MMP16: variants seen among roughly 807,000 people sequenced by gnomAD.
The protein encoded by MMP16 is matrix metalloproteinase-16.
In MMP16, 12 loss-of-function variants were observed where a neutral mutation model predicts 67.8. The ratio of observed to expected loss-of-function variants is 0.18; its 90% confidence interval spans 0.11 to 0.29. MMP16 has a LOEUF of 0.29. Among genes scored for constraint, MMP16 ranks in the 10% least tolerant of loss-of-function variants. MMP16 has a pLI of 1.00. For synonymous variants in MMP16, 249 were observed against 255.9 expected (o/e 0.97, Z 0.26); for missense variants, 475 against 765.7 (o/e 0.62, Z 4.48).
At chr8:88,252,333 T>C (rs1342705154) in intron 1 of MMP16, among the ~76,000 whole-genome samples, 2 of 152,136 alleles carry the variant, frequency 1.3e-5, no homozygotes, top group East Asian at 3.9e-4. Context: ...ATGCTGGTTC[T>C]AGCTCATCAT....
At chr8:88,146,221 A>G (rs140468264) in intron 4 of MMP16, among the ~76,000 whole-genome samples, 1 of 152,100 alleles carries the variant, frequency 6.6e-6, no homozygotes, top group Non-Finnish European at 1.5e-5. Flanking sequence ...GCTCAGCAAG[A>G]CTCTATGATA....
intron 7 of MMP16, among the ~76,000 whole-genome samples, chr8:88,073,534 A>C (rs1808596830): frequency 6.6e-6 from 1 of 152,160 alleles, no homozygotes; most frequent in Non-Finnish European, 1.5e-5. Flanking sequence ...ATGGCCATAA[A>C]ATTATCATGT....
At chr8:88,049,308 TTTTAAA>T (rs1228513480) in intron 8 of MMP16, among the ~76,000 whole-genome samples, 5 of 152,232 alleles carry the variant, frequency 3.3e-5, no homozygotes, top group Admixed American at 3.3e-4. Context: ...AAACATTTAC[TTTTAAA>T]TTTAAATATT....
intron 2 of MMP16, among the ~76,000 whole-genome samples, chr8:88,196,829 T>C (rs1166868368): frequency 1.3e-5 from 2 of 152,116 alleles, no homozygotes; most frequent in East Asian, 3.9e-4. Flanking sequence ...GTGTACAATA[T>C]ATTCTCATCA....
At chr8:88,070,690 T>C (rs905700848) in intron 7 of MMP16, among the ~76,000 whole-genome samples, 1 of 152,110 alleles carries the variant, frequency 6.6e-6, no homozygotes, top group African/African-American at 2.4e-5. Context: ...TCTGCCTTGG[T>C]TCCCCTACGT....
At chr8:88,047,838 A>C (rs2118203092) in intron 8 of MMP16, among the ~76,000 whole-genome samples, 1 of 152,312 alleles carries the variant, frequency 6.6e-6, no homozygotes, top group South Asian at 2.1e-4. Context: ...TATGAGTAAA[A>C]GAGTTTGAAG....
At position 88,040,968 on chromosome 8, in the gene MMP16, T is replaced by C. The variant is rs1264403441; in HGVS notation, c.*493A>G. 6.5e-6 allele frequency: 1 copy of C among 152,874 alleles called. No homozygotes were observed. Among genetic ancestry groups the C allele is most frequent in the Non-Finnish European group, 1.5e-5 (1 of 68,376 alleles). The allele number at this position is 152,874 out of a possible 1,614,324, so 9.5% of individuals were successfully genotyped here. A position where few individuals can be genotyped will look rare whatever the true frequency, so the allele number is the denominator to read the frequency against. ...TCTTCACACTTTCCTGGAAGTTCAA[T>C]TGTGGGTTTTTTGTTTAAACTCTTT... On this transcript the variant is annotated 3_prime_UTR_variant, in exon 10 of 10. Coordinates refer to ENST00000286614, the MANE Select transcript of MMP16 (RefSeq NM_005941.5).
chr8:88,188,901 T>G (rs1403586168), intron 2 of MMP16, among the ~76,000 whole-genome samples: 3 of 152,128 alleles, frequency 2.0e-5, no homozygotes, highest in Non-Finnish European at 4.4e-5. Context: ...GTGATCTGCT[T>G]GCCTCGGCCT....
intron 7 of MMP16, among the ~76,000 whole-genome samples, chr8:88,063,715 C>T (rs979891908): frequency 2.0e-5 from 3 of 151,958 alleles, no homozygotes; most frequent in African/African-American, 7.2e-5. Flanking sequence ...GTTTTTACTG[C>T]GGTCCAGGCC....
chr8:88,200,458 A>C (rs551672484), intron 1 of MMP16, among the ~76,000 whole-genome samples: 40 of 152,130 alleles, frequency 2.6e-4, no homozygotes, highest in African/African-American at 9.6e-4. Context: ...CTTGAATTAC[A>C]TTCCTGTTTT....
intron 6 of MMP16, among the ~76,000 whole-genome samples, chr8:88,087,961 A>G (rs1808863863): frequency 7.0e-6 from 1 of 142,918 alleles, no homozygotes; most frequent in Non-Finnish European, 1.5e-5. Context: ...AACCAAACAA[A>G]CAAAAAAATG....
chr8:88,076,366 T>C (rs1808651913), intron 6 of MMP16, among the ~76,000 whole-genome samples: 1 of 152,110 alleles, frequency 6.6e-6, no homozygotes. Context: ...TTGAAACGAG[T>C]TATCTACTTT....
chr8:88,198,446 A>T (rs1019703541), intron 1 of MMP16, among the ~76,000 whole-genome samples: 30 of 152,264 alleles, frequency 2.0e-4, no homozygotes, highest in Middle Eastern at 3.4e-3. Context: ...CAGTCTATTT[A>T]TCACATAAAT....
At position 88,271,641 on chromosome 8, in the gene MMP16, G is replaced by A. The variant is rs117707537; in HGVS notation, c.132+55434C>T. ...CCTGAGTAGCTGGAATTACATGTAT[G>A]TGCCAACACGTTCAGCTGCAGATTT... On this transcript the variant is annotated intron_variant, in intron 1 of 9. Coordinates refer to ENST00000286614, the MANE Select transcript of MMP16 (RefSeq NM_005941.5). 2.5e-4 allele frequency among the ~76,000 whole-genome samples: 38 copies of A among 152,240 alleles called. 1 individual carries two copies. The East Asian group carries it at 7.2e-3, about 29-fold the overall frequency.
chr8:88,123,573 T>C (rs993109994), intron 4 of MMP16, among the ~76,000 whole-genome samples: 1 of 151,738 alleles, frequency 6.6e-6, no homozygotes, highest in Non-Finnish European at 1.5e-5. Context: ...TAACATAAAA[T>C]ACTATTTATT....
rs188307648 is a variant in MMP16, at chr8:88,038,283, A to C, written c.*3178T>G. 6.6e-6 allele frequency: 1 copy of C among 152,194 alleles called. No homozygotes were observed. The highest frequency in any genetic ancestry group is 6.6e-5 in the Admixed American group (1 of 15,254). The allele number at this position is 152,194 out of a possible 1,614,324, so 9.4% of individuals were successfully genotyped here. Reference sequence around the variant, plus strand: ...ACTGAAATGTTCTGTTCAAAAGAGCAGCCTTATATGCCTTTGCTTATCACA... The same window carrying C: ...ACTGAAATGTTCTGTTCAAAAGAGCCGCCTTATATGCCTTTGCTTATCACA... On this transcript the variant is annotated 3_prime_UTR_variant, in exon 10 of 10. Coordinates refer to ENST00000286614, the MANE Select transcript of MMP16 (RefSeq NM_005941.5). The surrounding 1 kb of genome is among the most constrained non-coding windows in gnomAD (Gnocchi z 4.1).
rs1808032125 is a variant in MMP16 at position 88,034,696 on chromosome 8, T to C, written c.*6765A>G. The C allele has an allele frequency of 1.3e-5, 2 of 151,962 alleles. No homozygotes were observed. Among genetic ancestry groups the C allele is most frequent in the African/African-American group, 4.8e-5 (2 of 41,414 alleles). 9.4% of individuals were successfully genotyped at this position (151,962 alleles called of 1,614,324 possible). A position where few individuals can be genotyped will look rare whatever the true frequency, so the allele number is the denominator to read the frequency against. On this transcript the variant is annotated 3_prime_UTR_variant, in exon 10 of 10. Transcript: ENST00000286614. ...AGCAAAGTATATTTTATCTTAACAA[T>C]TGGATTGTTAATATATAGAGGAAAC...
chr8:88,177,943 T>C (rs1331815508), intron 3 of MMP16, among the ~76,000 whole-genome samples: 1 of 151,800 alleles, frequency 6.6e-6, no homozygotes, highest in Non-Finnish European at 1.5e-5. Context: ...ATATATGAGA[T>C]AGTTTAAAGA....
intron 1 of MMP16, among the ~76,000 whole-genome samples, chr8:88,322,187 A>G (rs1383791225): frequency 6.6e-6 from 1 of 152,156 alleles, no homozygotes; most frequent in African/African-American, 2.4e-5. Context: ...CTGAATTATA[A>G]AGGCCTATTT....
Sources: allele counts gnomAD v4.1 joint callset (sites outside exome capture counted in the v4.1 genomes callset), GRCh38; gene constraint gnomAD v4.1.1; non-coding constraint Gnocchi (gnomAD v3.1); transcripts MANE v1.5; gene names NCBI Gene and HGNC (gene_info 2026-07-23, HGNC 2026-07-21).